The following AGBL4 variants were observed in gnomAD, a reference collection of about 807,000 sequenced individuals.
AGBL4 encodes the protein AGBL carboxypeptidase 4.
AGBL4 carries 58 observed loss-of-function variants against 66.4 expected under a neutral mutation model. That is an observed-to-expected ratio of 0.87 (90% CI 0.71 to 1.09). AGBL4 has a LOEUF of 1.09. Ranked by LOEUF, AGBL4 falls within the 50% of genes least tolerant of loss-of-function variation. AGBL4 has a pLI of 0.00. For missense variants in AGBL4, 579 were observed against 631.0 expected, an observed-to-expected ratio of 0.92 and a Z score of 0.88; for synonymous variants, 234 against 222.9, an observed-to-expected ratio of 1.05 and a Z score of -0.44.
chr1:49,430,527 A>C (rs1645762674), intron 3 of AGBL4, among the ~76,000 whole-genome samples: 1 of 152,220 alleles, frequency 6.6e-6, no homozygotes, highest in Admixed American at 6.5e-5. Flanking sequence ...GAATAAACAA[A>C]TTAAATTAAT....
intron 5 of AGBL4, among the ~76,000 whole-genome samples, chr1:48,885,921 A>G (rs1650278826): frequency 6.6e-6 from 1 of 152,222 alleles, no homozygotes; most frequent in Non-Finnish European, 1.5e-5. Flanking sequence ...TATTGCAACC[A>G]TCACACTGGG....
chr1:49,219,694 G>T (rs1649350349), intron 4 of AGBL4, among the ~76,000 whole-genome samples: 1 of 152,116 alleles, frequency 6.6e-6, no homozygotes, highest in Non-Finnish European at 1.5e-5. Context: ...TGACCATATT[G>T]AAAGAGCAGT....
chr1:48,891,170 T>C (rs1357358276), intron 5 of AGBL4, among the ~76,000 whole-genome samples: 1 of 152,138 alleles, frequency 6.6e-6, no homozygotes, highest in African/African-American at 2.4e-5. Context: ...GAAGAAATGC[T>C]CCCTAACAGG....
At chr1:48,937,520 T>C (rs774902412) in intron 5 of AGBL4, among the ~76,000 whole-genome samples, 2 of 152,210 alleles carry the variant, frequency 1.3e-5, no homozygotes, top group African/African-American at 2.4e-5. Context: ...TTCAAGTATA[T>C]GCTGTTTCTC....
intron 3 of AGBL4, among the ~76,000 whole-genome samples, chr1:49,569,635 C>G (rs957711807): frequency 2.6e-5 from 4 of 152,104 alleles, no homozygotes; most frequent in African/African-American, 9.7e-5. Flanking sequence ...TTCTGCCACA[C>G]CCATAGATTG....
chr1:48,659,790 C>T (rs184886910), intron 7 of AGBL4, among the ~76,000 whole-genome samples: 6 of 152,316 alleles, frequency 3.9e-5, no homozygotes, highest in South Asian at 4.1e-4. Context: ...GCCCTGGCAC[C>T]GGCCATGTGC....
downstream of AGBL4, among the ~76,000 whole-genome samples, chr1:48,529,748 C>T (rs377213205): frequency 1.3e-5 from 2 of 152,126 alleles, no homozygotes; most frequent in Admixed American, 6.5e-5. Context: ...GGAACCAGAG[C>T]TAGATTATCT....
intron 6 of AGBL4, chr1:48,817,660 G>A (rs1646212841): frequency 4.9e-6 from 1 of 202,828 alleles, no homozygotes; most frequent in Non-Finnish European, 9.9e-6. Flanking sequence ...AACAGCTTTG[G>A]TCAACTAGAA....
chr1:49,699,325 T>A (rs1464929375), intron 2 of AGBL4, among the ~76,000 whole-genome samples: 1 of 152,052 alleles, frequency 6.6e-6, no homozygotes. Context: ...TGTATGTGTG[T>A]GTGTGTACAT....
intron 12 of AGBL4, among the ~76,000 whole-genome samples, chr1:48,537,542 C>T (rs1643993480): frequency 6.6e-6 from 1 of 152,138 alleles, no homozygotes; most frequent in Non-Finnish European, 1.5e-5. Context: ...GCCTGTGCTC[C>T]AGTCCTGGCT....
chr1:48,841,399 A>ACCC (rs1558032634), intron 6 of AGBL4, among the ~76,000 whole-genome samples: 2 of 70,230 alleles, frequency 2.8e-5, no homozygotes, highest in African/African-American at 9.9e-5. Context: ...CTTACTACAA[A>ACCC]ACCCCCCCCC....
At position 48,661,007 on chromosome 1, in the gene AGBL4, AT is replaced by A. The variant is rs563989839; in HGVS notation, c.724+2144del. ...CTCCTCTTTCTGAGTTCAACGCAGC[AT>A]TTTTTCCTCACAACAGCCCCATAAG... On this transcript the variant is annotated intron_variant, in intron 7 of 13. Coordinates refer to ENST00000371839, the MANE Select transcript of AGBL4 (RefSeq NM_032785.4). Among the ~76,000 whole-genome samples the A allele has an allele frequency of 2.0e-5, 3 of 152,260 alleles. No homozygotes were observed. In the South Asian group the frequency reaches 6.2e-4, roughly 32 times the overall value.
At chr1:49,237,635 A>C (rs1392014249) in intron 4 of AGBL4, among the ~76,000 whole-genome samples, 1 of 145,988 alleles carries the variant, frequency 6.8e-6, no homozygotes, top group South Asian at 2.2e-4. Context: ...TAGAAACTCT[A>C]CCTTATTTTA....
intron 3 of AGBL4, among the ~76,000 whole-genome samples, chr1:49,357,432 C>T (rs1644043172): frequency 6.6e-6 from 1 of 152,154 alleles, no homozygotes; most frequent in African/African-American, 2.4e-5. Context: ...TCAGGAGATC[C>T]ACTGTAAGGA....
intron 2 of AGBL4, chr1:49,842,491 C>G: frequency 1.0e-6 from 1 of 968,454 alleles, no homozygotes; most frequent in Non-Finnish European, 1.2e-6. Context: ...ATTTACTACT[C>G]AGTCTTAATT....
chr1:49,820,056 T>C (rs1465165692), intron 2 of AGBL4, among the ~76,000 whole-genome samples: 1 of 152,142 alleles, frequency 6.6e-6, no homozygotes, highest in Non-Finnish European at 1.5e-5. Flanking sequence ...CCTGCTTGTG[T>C]GAGACTTCCC....
At chr1:49,745,297 C>T (rs950979331) in intron 2 of AGBL4, among the ~76,000 whole-genome samples, 2 of 151,708 alleles carry the variant, frequency 1.3e-5, no homozygotes, top group African/African-American at 4.8e-5. Flanking sequence ...CAACCATGGT[C>T]CAAAAAAAGA....
intron 3 of AGBL4, among the ~76,000 whole-genome samples, chr1:49,396,814 A>G (rs1644983996): frequency 6.6e-6 from 1 of 152,190 alleles, no homozygotes; most frequent in Non-Finnish European, 1.5e-5. Context: ...AGCTCCCAAC[A>G]TAAGATAGGG....
chr1:49,245,055 A>G (rs1213827279), intron 4 of AGBL4, among the ~76,000 whole-genome samples: 2 of 151,812 alleles, frequency 1.3e-5, no homozygotes, highest in African/African-American at 2.4e-5. Context: ...ATATAGGGAT[A>G]CTTAAAATTT....
Sources: gnomAD v4.1 joint callset for allele counts (sites outside exome capture counted in the v4.1 genomes callset) on GRCh38, gnomAD v4.1.1 for gene constraint, MANE v1.5 for transcripts, NCBI Gene and HGNC (gene_info 2026-07-23, HGNC 2026-07-21) for gene names.